CHODL: variants seen among roughly 807,000 people sequenced by gnomAD.
The protein encoded by CHODL is transmembrane protein MT75.
CHODL carries 29 observed loss-of-function variants against 34.5 expected under a neutral mutation model. The observed-to-expected ratio is 0.84, with a 90% CI of 0.63 to 1.15. The LOEUF (loss-of-function observed/expected upper bound fraction) is 1.15, where lower values mean the gene tolerates loss of function less well. CHODL is among the 50% of genes most tolerant of loss of function. The pLI, the probability that CHODL is intolerant of heterozygous loss-of-function variation, is 0.00. For synonymous variants in CHODL, 125 were observed against 116.1 expected (o/e 1.08, Z -0.49); for missense variants, 332 against 332.5 (o/e 1.00, Z 0.01).
intron 2 of CHODL, among the ~76,000 whole-genome samples, chr21:18,110,827 TCCA>T (rs1378530540): frequency 6.6e-6 from 1 of 152,182 alleles, no homozygotes; most frequent in Non-Finnish European, 1.5e-5. Context: ...CCCTGTCCAA[TCCA>T]CCAAGGATTT....
Position 18,060,709 on chromosome 21 carries a change from CA to C in CHODL, c.-45+32752del, listed in dbSNP as rs71318121. Among the ~76,000 whole-genome samples, 214 of 121,262 alleles carry C rather than the reference CA, an allele frequency of 1.8e-3. 1 individual carries two copies. The highest frequency in any genetic ancestry group is 4.8e-3 in the Middle Eastern group (1 of 208). 79.6% of individuals were successfully genotyped at this position (121,262 alleles called of 152,430 possible). On this transcript the variant is annotated intron_variant, in intron 2 of 6. Coordinates refer to the CHODL transcript ENST00000400127. Reference sequence around the variant, plus strand: ...CAGTAGTAAATCTTACTCCTCGGACCAAAAAAAAAAAAAAGAAAGCAAGCAG... The same window carrying C: ...CAGTAGTAAATCTTACTCCTCGGACCAAAAAAAAAAAAAGAAAGCAAGCAG...
chr21:18,197,206 T>C (rs2073599378), intron 2 of CHODL, among the ~76,000 whole-genome samples: 1 of 152,184 alleles, frequency 6.6e-6, no homozygotes, highest in African/African-American at 2.4e-5. Context: ...TAAATATAAA[T>C]TTAAGTATAT....
intron 2 of CHODL, among the ~76,000 whole-genome samples, chr21:18,104,006 G>A (rs2065245351): frequency 6.6e-6 from 1 of 152,148 alleles, no homozygotes; most frequent in South Asian, 2.1e-4. Context: ...ATGAGACAAT[G>A]TCTGTTAGGT....
At chr21:18,100,060 A>G (rs553525668) in intron 2 of CHODL, 6 of 152,280 alleles carry the variant, frequency 3.9e-5, no homozygotes, top group African/African-American at 1.4e-4. Flanking sequence ...AAAAATAAAG[A>G]CAATTAAACA....
chr21:18,263,314 T>C (rs563246915), intron 5 of CHODL, among the ~76,000 whole-genome samples: 2 of 152,344 alleles, frequency 1.3e-5, no homozygotes, highest in Admixed American at 1.3e-4. Context: ...TTGATATTTG[T>C]AGGTTCATTT....
intron 2 of CHODL, among the ~76,000 whole-genome samples, chr21:18,112,875 A>G (rs2065368436): frequency 6.6e-6 from 1 of 152,212 alleles, no homozygotes; most frequent in Non-Finnish European, 1.5e-5. Flanking sequence ...CTTGAACAAT[A>G]CCCTAAGAGC....
At chr21:18,144,844 A>G (rs2072849430) in intron 2 of CHODL, among the ~76,000 whole-genome samples, 1 of 151,280 alleles carries the variant, frequency 6.6e-6, no homozygotes, top group African/African-American at 2.4e-5. Context: ...TATAAGGTAA[A>G]CATGAAAAGC....
chr21:18,105,052 A>G (rs779426283), intron 2 of CHODL, among the ~76,000 whole-genome samples: 37 of 152,236 alleles, frequency 2.4e-4, no homozygotes, highest in Admixed American at 8.5e-4. Context: ...GACTAAGGGA[A>G]TATCTTTCAA....
intron 2 of CHODL, among the ~76,000 whole-genome samples, chr21:18,179,704 G>A (rs945700820): frequency 2.0e-5 from 3 of 152,076 alleles, no homozygotes; most frequent in Non-Finnish European, 2.9e-5. Flanking sequence ...GGACTCATGA[G>A]ATTTCTAAAT....
rs567672117 is a variant in CHODL at position 18,008,153 on chromosome 21, T to A, written c.-144-19719T>A. On this transcript the variant is annotated intron_variant, in intron 1 of 6. Coordinates refer to the CHODL transcript ENST00000400127. ...ATTTAAATATTTTTCTTCTTTTTTT[T>A]AAAAAAAAGCTTTATTGAAGTATAT... 2.8e-3 allele frequency among the ~76,000 whole-genome samples: 423 copies of A among 151,922 alleles called. 1 individual carries two copies. The highest frequency in any genetic ancestry group is 6.8e-3 in the Middle Eastern group (2 of 294).
intron 1 of CHODL, among the ~76,000 whole-genome samples, chr21:17,919,864 C>T (rs771298803): frequency 1.3e-5 from 2 of 152,138 alleles, no homozygotes; most frequent in Admixed American, 1.3e-4. Flanking sequence ...ATTTCTTTTG[C>T]CAGATACCCT....
chr21:18,133,845 T>G (rs1158996656), intron 2 of CHODL, among the ~76,000 whole-genome samples: 61 of 152,208 alleles, frequency 4.0e-4, no homozygotes, highest in Admixed American at 4.0e-3. Context: ...TAAATTCTTT[T>G]GTCACTGAAC....
At chr21:18,174,070 A>G (rs1481466956) in intron 2 of CHODL, among the ~76,000 whole-genome samples, 4 of 81,676 alleles carry the variant, frequency 4.9e-5, no homozygotes, top group African/African-American at 1.0e-4. Flanking sequence ...GTTTTTTGGC[A>G]GGGAGGTAGA....
At chr21:18,138,410 G>A (rs1429044931) in intron 2 of CHODL, among the ~76,000 whole-genome samples, 1 of 152,126 alleles carries the variant, frequency 6.6e-6, no homozygotes, top group African/African-American at 2.4e-5. Flanking sequence ...AAAAGTGGAT[G>A]ACCATGATAG....
At chr21:18,117,113 G>GC (rs1462045219) in intron 2 of CHODL, among the ~76,000 whole-genome samples, 1 of 152,132 alleles carries the variant, frequency 6.6e-6, no homozygotes, top group Non-Finnish European at 1.5e-5. Context: ...ATGTTAAACG[G>GC]CAGAGTACAG....
intron 2 of CHODL, among the ~76,000 whole-genome samples, chr21:18,117,591 A>G (rs1401735648): frequency 6.7e-6 from 1 of 148,822 alleles, no homozygotes; most frequent in African/African-American, 2.6e-5. Flanking sequence ...AGATTAATGA[A>G]CAAGACTGAT....
At chr21:17,995,744 A>C (rs1215268296) in intron 1 of CHODL, among the ~76,000 whole-genome samples, 1 of 152,206 alleles carries the variant, frequency 6.6e-6, no homozygotes, top group African/African-American at 2.4e-5. Flanking sequence ...CTTCATATTT[A>C]GAGTCTTGCT....
At chr21:17,987,886 TAAAAC>T (rs943302034) in intron 1 of CHODL, among the ~76,000 whole-genome samples, 4 of 152,124 alleles carry the variant, frequency 2.6e-5, no homozygotes, top group Non-Finnish European at 4.4e-5. Context: ...TGCTGGTTAT[TAAAAC>T]AAATCATAAG....
At chr21:17,992,862 C>G (rs1293238773) in intron 1 of CHODL, among the ~76,000 whole-genome samples, 2 of 151,704 alleles carry the variant, frequency 1.3e-5, no homozygotes, top group Non-Finnish European at 2.9e-5. Context: ...CCATGTTGGT[C>G]AGACTGGTCT....
Sources: allele counts gnomAD v4.1 joint callset (sites outside exome capture counted in the v4.1 genomes callset), GRCh38; gene constraint gnomAD v4.1.1; transcripts MANE v1.5; gene names NCBI Gene and HGNC (gene_info 2026-07-23, HGNC 2026-07-21).